The following SLC4A4 variants were observed in gnomAD, a reference collection of about 807,000 sequenced individuals.
SLC4A4 encodes the protein solute carrier family 4 member 4.
SLC4A4 carries 27 observed loss-of-function variants against 111.5 expected under a neutral mutation model. The ratio of observed to expected loss-of-function variants is 0.24; its 90% confidence interval spans 0.18 to 0.33. SLC4A4 has a LOEUF of 0.33. Among genes scored for constraint, SLC4A4 ranks in the 10% least tolerant of loss-of-function variants. The pLI, the probability that SLC4A4 is intolerant of heterozygous loss-of-function variation, is 1.00. For missense variants in SLC4A4, 909 were observed against 1,315.5 expected (o/e 0.69, Z 4.78); for synonymous variants, 443 against 463.4 (o/e 0.96, Z 0.57).
intron 6 of SLC4A4, among the ~76,000 whole-genome samples, chr4:71,379,086 C>A (rs758992123): frequency 1.1e-3 from 164 of 152,290 alleles, no homozygotes; most frequent in South Asian, 1.9e-3. Context: ...GTTTTCCACG[C>A]CTTCACTCTG....
intron 25 of SLC4A4, among the ~76,000 whole-genome samples, chr4:71,567,470 T>G (rs1453906433): frequency 6.6e-6 from 1 of 151,810 alleles, no homozygotes. Context: ...CTCTGAATGT[T>G]TTTATTATGT....
At chr4:71,187,436 C>A (rs1308395575) in intron 1 of SLC4A4, 35 bp downstream of exon 1, 1 of 152,102 alleles carries the variant, frequency 6.6e-6, no homozygotes, top group African/African-American at 2.4e-5. Context: ...CCGGGAGGGT[C>A]GATGGGGTCC....
At chr4:71,172,414 C>A (rs1051137095) in intron 2 of SLC4A4, among the ~76,000 whole-genome samples, 6 of 152,056 alleles carry the variant, frequency 3.9e-5, no homozygotes, top group Admixed American at 6.6e-5. Flanking sequence ...TGCCACCATG[C>A]CCAGCAGATT....
At chr4:71,256,955 G>C (rs1200971354) in intron 3 of SLC4A4, among the ~76,000 whole-genome samples, 1 of 152,108 alleles carries the variant, frequency 6.6e-6, no homozygotes, top group African/African-American at 2.4e-5. Flanking sequence ...CACTATTAAT[G>C]TTAAAAAGTA....
At chr4:71,492,489 TG>T (rs1317101760) in intron 15 of SLC4A4, among the ~76,000 whole-genome samples, 1 of 151,892 alleles carries the variant, frequency 6.6e-6, no homozygotes, top group Non-Finnish European at 1.5e-5. Flanking sequence ...CTCAGCAACT[TG>T]ATCATTTTCT....
At chr4:71,114,215 C>T (rs537406531) in intron 2 of SLC4A4, among the ~76,000 whole-genome samples, 12 of 152,300 alleles carry the variant, frequency 7.9e-5, no homozygotes, top group African/African-American at 2.4e-4. Context: ...CACTGCACTC[C>T]AGCCTGGGTG....
chr4:71,214,864 G>A (rs566084500), intron 1 of SLC4A4, among the ~76,000 whole-genome samples: 3 of 152,260 alleles, frequency 2.0e-5, no homozygotes, highest in African/African-American at 2.4e-5. Context: ...TCCAACCCTG[G>A]TTTAGAACCA....
At chr4:71,512,783 T>C (rs2149177506) in intron 16 of SLC4A4, among the ~76,000 whole-genome samples, 1 of 152,340 alleles carries the variant, frequency 6.6e-6, no homozygotes, top group Non-Finnish European at 1.5e-5. Flanking sequence ...CATATAAGTC[T>C]TTAATCAATG....
chr4:71,320,524 G>A (rs1289965875), intron 3 of SLC4A4, among the ~76,000 whole-genome samples: 1 of 151,958 alleles, frequency 6.6e-6, no homozygotes, highest in Non-Finnish European at 1.5e-5. Context: ...GATTTTTCCT[G>A]CCCTTCTCAC....
chr4:71,311,922 A>AGAGAGAGAGAGAGAGAGAGAGG (rs1726220193), intron 3 of SLC4A4, among the ~76,000 whole-genome samples: 1 of 150,932 alleles, frequency 6.6e-6, no homozygotes, highest in Non-Finnish European at 1.5e-5. Context: ...AGAGAGAGAG[A>AGAGAGAGAGAGAGAGAGAGAGG]GAGAGAGAGA....
rs2149108276 is a variant in SLC4A4 at position 71,472,712 on chromosome 4, G to T, written c.1645G>T (p.Asp549Tyr). 6.2e-7 allele frequency: 1 copy of T among 1,612,564 alleles called. No homozygotes were observed. The highest frequency in any genetic ancestry group is 1.1e-5 in the South Asian group (1 of 91,018). Reference protein sequence around the residue: ...LFNFSKDNNFDYLEFRLWIGL... With the variant: ...LFNFSKDNNFYYLEFRLWIGL... ...TCTTTTTTCCAGGGACAATAATTTT[G>T]ACTATTTGGAGTTTCGCCTTTGGAT... The change falls in exon 14 of 26, where the codon GAC becomes TAC. Residue 549 changes from aspartate (D) to tyrosine (Y), a missense_variant. Transcript: ENST00000264485.
chr4:71,419,031 C>A (rs538332421), intron 7 of SLC4A4, among the ~76,000 whole-genome samples: 38 of 152,194 alleles, frequency 2.5e-4, no homozygotes, highest in Non-Finnish European at 5.3e-4. Context: ...GCGAATGCAG[C>A]TGTCTGATCA....
At chr4:71,148,645 G>T (rs1317119507) in intron 2 of SLC4A4, among the ~76,000 whole-genome samples, 2 of 152,072 alleles carry the variant, frequency 1.3e-5, no homozygotes, top group African/African-American at 4.8e-5. Flanking sequence ...GAGAGCATGT[G>T]GTATTTGGTT....
chr4:71,326,315 A>ACACCAC (rs1727499110), intron 3 of SLC4A4, among the ~76,000 whole-genome samples: 1 of 151,910 alleles, frequency 6.6e-6, no homozygotes, highest in Admixed American at 6.6e-5. Flanking sequence ...AAAAGGTGTA[A>ACACCAC]CACCACGACA....
intron 3 of SLC4A4, among the ~76,000 whole-genome samples, chr4:71,337,856 G>T (rs1728559343): frequency 6.6e-6 from 1 of 151,468 alleles, no homozygotes; most frequent in Non-Finnish European, 1.5e-5. Context: ...TATAGACAGG[G>T]TCTTGCTTTG....
At chr4:71,347,917 G>A (rs1433987506) in intron 4 of SLC4A4, among the ~76,000 whole-genome samples, 1 of 151,986 alleles carries the variant, frequency 6.6e-6, no homozygotes, top group Admixed American at 6.6e-5. Flanking sequence ...GAGAAATCAA[G>A]GAGTCATTAC....
rs1247924643 is a variant in SLC4A4 at position 71,497,697 on chromosome 4, G to A, written c.2166+5G>A. 1 of 1,606,958 alleles carries A rather than the reference G, an allele frequency of 6.2e-7. No individual in the cohort carries two copies. Among genetic ancestry groups the A allele is most frequent in the Non-Finnish European group, 8.5e-7 (1 of 1,173,954 alleles). Reference sequence around the variant, plus strand: ...AGTCCTTATTTTCCAACCACAGTAAGTACCTGAACTTTAAATGATTTTCAT... The same window carrying A: ...AGTCCTTATTTTCCAACCACAGTAAATACCTGAACTTTAAATGATTTTCAT... On this transcript the variant is annotated splice_donor_5th_base_variant and intron_variant, in intron 16 of 25. Transcript: ENST00000264485.
At chr4:71,302,803 T>A (rs1274030835) in intron 3 of SLC4A4, among the ~76,000 whole-genome samples, 1 of 152,178 alleles carries the variant, frequency 6.6e-6, no homozygotes, top group African/African-American at 2.4e-5. Context: ...GGCAATCATA[T>A]AGGAAAAGAG....
At chr4:71,220,510 C>A (rs950289491) in intron 1 of SLC4A4, among the ~76,000 whole-genome samples, 1 of 151,870 alleles carries the variant, frequency 6.6e-6, no homozygotes, top group Admixed American at 6.6e-5. Context: ...ATTATCATAC[C>A]TAATACAATT....
Sources: gnomAD v4.1 joint callset for allele counts (sites outside exome capture counted in the v4.1 genomes callset) on GRCh38, gnomAD v4.1.1 for gene constraint, MANE v1.5 for transcripts, NCBI Gene and HGNC (gene_info 2026-07-23, HGNC 2026-07-21) for gene names.